The following HDGF variants were observed in gnomAD, a reference collection of about 807,000 sequenced individuals.
The protein encoded by HDGF is heparin binding growth factor.
In HDGF, 5 loss-of-function variants were observed where a neutral mutation model predicts 30.0. That is an observed-to-expected ratio of 0.17 (90% CI 0.09 to 0.35). The LOEUF (loss-of-function observed/expected upper bound fraction) is 0.35, where lower values mean the gene tolerates loss of function less well. Among genes scored for constraint, HDGF ranks in the 10% least tolerant of loss-of-function variants. The probability of loss-of-function intolerance (pLI) is 1.00; values close to 1 mark genes in which losing one functional copy is unlikely to be tolerated. For synonymous variants in HDGF, 133 were observed against 112.7 expected, an observed-to-expected ratio of 1.18 and a Z score of -1.14; for missense variants, 214 against 302.8, an observed-to-expected ratio of 0.71 and a Z score of 2.18.
chr1:156,749,803 CA>C (rs10713813), intron 1 of HDGF, among the ~76,000 whole-genome samples: 148,517 of 152,214 alleles, frequency 0.98, 72,558 homozygotes, highest in East Asian at 1. Flanking sequence ...ACCCACTCCC[CA>C]AGGGCTTAGT....
intron 1 of HDGF, among the ~76,000 whole-genome samples, chr1:156,760,148 G>A (rs557750878): frequency 1.3e-5 from 2 of 152,340 alleles, no homozygotes; most frequent in East Asian, 1.9e-4. Flanking sequence ...TACAGCCACA[G>A]CCCCCAGGTG....
At chr1:156,744,941 C>T (rs556036296) in intron 3 of HDGF, 67 bp downstream of exon 3, 7 of 1,566,494 alleles carry the variant, frequency 4.5e-6, no homozygotes, top group African/African-American at 4.1e-5. Context: ...ATCTGTGGGC[C>T]GGGGGCTGCC....
rs1330858474 is a variant in HDGF, at chr1:156,747,813, A to T, written c.88-2440T>A. ...GGTGAAAGTTCAGAAATAAGGAGAA[A>T]TGAGGTTCTTTGCAGAAGCACAGAC... On this transcript the variant is annotated intron_variant, in intron 1 of 5. Coordinates refer to ENST00000357325, the MANE Select transcript of HDGF (RefSeq NM_004494.3). Among the ~76,000 whole-genome samples, 3 of 152,184 alleles carry T rather than the reference A, an allele frequency of 2.0e-5. No individual in the cohort carries two copies. In the East Asian group the frequency reaches 5.8e-4, roughly 29 times the overall value.
chr1:156,744,176 C>T lies in HDGF; in HGVS notation c.476G>A (p.Gly159Glu), dbSNP rs1285818036. 2 of 1,614,048 alleles carry T rather than the reference C, an allele frequency of 1.2e-6. No individual in the cohort carries two copies. The highest frequency in any genetic ancestry group is 1.1e-5 in the South Asian group (1 of 91,084). Reference sequence around the variant, plus strand: ...GGCAGCAGTTACCTCCAGCAAGTCCCCTGCTCTCCTCTTCAACGCTCCTTT... The same window carrying T: ...GGCAGCAGTTACCTCCAGCAAGTCCTCTGCTCTCCTCTTCAACGCTCCTTT... ...NEKGALKRRA[G>E]DLLEDSPKRP... The change falls in exon 4 of 6, where the codon GGG (glycine) becomes GAG (glutamate). Residue 159 changes from glycine (G) to glutamate (E), a missense_variant. This residue lies in a region of HDGF where 176 missense variants were observed against 211.7 expected (regional missense o/e 0.83). Transcript: ENST00000357325.
At chr1:156,747,031 C>G (rs969652832) in intron 1 of HDGF, among the ~76,000 whole-genome samples, 1 of 151,954 alleles carries the variant, frequency 6.6e-6, no homozygotes, top group African/African-American at 2.4e-5. Context: ...CCCGCTTGCC[C>G]CGTGGCCTCT....
chr1:156,743,939 C>T, intron 4 of HDGF, 61 bp from the exon 5 acceptor site: 1 of 1,283,042 alleles, frequency 7.8e-7, no homozygotes, highest in Non-Finnish European at 1.1e-6. Context: ...CAGCCACCCA[C>T]TCCTCTCCTC....
upstream of HDGF, among the ~76,000 whole-genome samples, chr1:156,755,905 T>A (rs530340486): frequency 2.6e-5 from 4 of 152,286 alleles, no homozygotes; most frequent in South Asian, 8.3e-4. Flanking sequence ...TGAGCCTCAG[T>A]TTCATGTCCA....
At chr1:156,744,593 G>A (rs1176653549) in intron 3 of HDGF, 114 of 1,488,392 alleles carry the variant, frequency 7.7e-5, no homozygotes, top group Non-Finnish European at 9.9e-5. Context: ...GCAAAACCTC[G>A]GGTCAACTTC....
Position 156,743,811 on chromosome 1 carries a change from T to A in HDGF, c.557A>T (p.Glu186Val). 1 of 1,611,396 alleles carries A rather than the reference T, an allele frequency of 6.2e-7. No homozygotes were observed. The highest frequency in any genetic ancestry group is 8.5e-7 in the Non-Finnish European group (1 of 1,178,686). Residue 186 changes from glutamate (E) to valine (V), a missense_variant, in exon 5 of 6, where the codon GAG becomes GTG. Physicochemically the swap from Glu to Val is moderately radical, Grantham distance 121. Transcript: ENST00000357325. ...CTCCATAGGAAGGGGCCTCTCAACC[T>A]CCAAGGTGGCTGCCTCCTTCTCCTC... ...EGEEKEAATL[E>V]VERPLPMEVE...
At chr1:156,748,643 T>C (rs1383691824) in intron 1 of HDGF, among the ~76,000 whole-genome samples, 2 of 152,056 alleles carry the variant, frequency 1.3e-5, no homozygotes, top group Non-Finnish European at 2.9e-5. Context: ...CAAAGAGTAA[T>C]CCGAAGTTTT....
intron 2 of HDGF, among the ~76,000 whole-genome samples, chr1:156,758,095 C>A (rs896292500): frequency 6.6e-6 from 1 of 150,718 alleles, no homozygotes; most frequent in Admixed American, 6.6e-5. Flanking sequence ...GTCAGGAGTT[C>A]GAGACCAGCC....
intron 1 of HDGF, among the ~76,000 whole-genome samples, chr1:156,759,479 C>CTTTTTTT (rs540212944): frequency 4.8e-5 from 6 of 124,600 alleles, no homozygotes; most frequent in African/African-American, 6.1e-5. Flanking sequence ...ATACCCCATT[C>CTTTTTTT]TTTTTTTTTT....
intron 1 of HDGF, among the ~76,000 whole-genome samples, chr1:156,760,453 G>A (rs1452966295): frequency 1.3e-5 from 2 of 152,200 alleles, no homozygotes; most frequent in Non-Finnish European, 2.9e-5. Context: ...CTAGGCTGGC[G>A]GACGCTGTGG....
At chr1:156,754,616 C>G (rs959398808), upstream of HDGF, among the ~76,000 whole-genome samples, 1 of 152,172 alleles carries the variant, frequency 6.6e-6, no homozygotes, top group Non-Finnish European at 1.5e-5. Flanking sequence ...CGTTAACGTG[C>G]AATCAAATCA....
Position 156,743,885 on chromosome 1 carries a change from A to C in HDGF, c.490-7T>G. 5 of 1,604,454 alleles carry C rather than the reference A, an allele frequency of 3.1e-6. No homozygotes were observed. The highest frequency in any genetic ancestry group is 4.3e-6 in the Non-Finnish European group (5 of 1,171,356). On this transcript the variant is annotated splice_region_variant and splice_polypyrimidine_tract_variant and intron_variant, in intron 4 of 5. Coordinates refer to ENST00000357325, the MANE Select transcript of HDGF (RefSeq NM_004494.3). ...TGGGACGTTTAGGAGAGTCCTAGGC[A>C]GGATCAACAGAGGAAGTGGGCTGAG...
chr1:156,743,591 T>C, intron 5 of HDGF, 61 bp downstream of exon 5: 1 of 1,558,604 alleles, frequency 6.4e-7, no homozygotes, highest in African/African-American at 1.4e-5. Context: ...TTTCATCCTC[T>C]TCTCCGAGAG....
upstream of HDGF, among the ~76,000 whole-genome samples, chr1:156,756,817 T>TA (rs1245895790): frequency 7.0e-6 from 1 of 143,146 alleles, no homozygotes; most frequent in Admixed American, 7.2e-5. Flanking sequence ...TTTTTTGAGA[T>TA]AGAGTCTCAC....
intron 1 of HDGF, among the ~76,000 whole-genome samples, chr1:156,747,114 G>A (rs1175108781): frequency 6.6e-6 from 1 of 151,646 alleles, no homozygotes; most frequent in African/African-American, 2.4e-5. Flanking sequence ...ACCAGGAGAC[G>A]CTGGGTGTGA....
chr1:156,760,862 T>A lies in HDGF; in HGVS notation n.137-1643A>T, dbSNP rs113222552. On this transcript the variant is annotated intron_variant and non_coding_transcript_variant, in intron 1 of 7. Coordinates refer to the HDGF transcript ENST00000465180. ...CCCAGCCTTTTTTTTTTTTTCTGTA[T>A]CTTTGAAATTCAAAGTATACGTGGA... Among the ~76,000 whole-genome samples the A allele has an allele frequency of 7.6e-4, 116 of 151,896 alleles. 2 individuals are homozygous for A. The highest frequency in any genetic ancestry group is 2.7e-3 in the African/African-American group (112 of 41,426).
Sources: gnomAD v4.1 joint callset for allele counts (sites outside exome capture counted in the v4.1 genomes callset) on GRCh38, gnomAD v4.1.1 for gene constraint, gnomAD v4.1.1 regional missense constraint, MANE v1.5 for transcripts, NCBI Gene and HGNC (gene_info 2026-07-23, HGNC 2026-07-21) for gene names.